RALYL: variants seen among roughly 807,000 people sequenced by gnomAD.
RALYL encodes RALY RNA binding protein like, also known as RNA-binding Raly-like protein.
Under a neutral mutation model 35.1 loss-of-function variants are expected in RALYL, and 29 were observed. The ratio of observed to expected loss-of-function variants is 0.83; its 90% CI spans 0.61 to 1.13. RALYL has a LOEUF of 1.13. RALYL is among the 50% of genes most tolerant of loss of function. RALYL has a pLI of 0.00. For synonymous variants in RALYL, 120 were observed against 127.6 expected, an observed-to-expected ratio of 0.94 and a Z score of 0.40; for missense variants, 359 against 360.4, an observed-to-expected ratio of 1.00 and a Z score of 0.03.
intron 2 of RALYL, among the ~76,000 whole-genome samples, chr8:84,584,768 G>A (rs1464605370): frequency 6.6e-6 from 1 of 152,028 alleles, no homozygotes; most frequent in Non-Finnish European, 1.5e-5. Flanking sequence ...CTTTGCTAAC[G>A]CTTGTGTTAA....
chr8:84,635,304 C>T (rs1229885249), intron 2 of RALYL, among the ~76,000 whole-genome samples: 1 of 151,618 alleles, frequency 6.6e-6, no homozygotes, highest in Non-Finnish European at 1.5e-5. Flanking sequence ...TACATCCCTT[C>T]CAATTGTTTA....
At chr8:84,865,601 A>C (rs1263810424) in intron 6 of RALYL, among the ~76,000 whole-genome samples, 1 of 152,178 alleles carries the variant, frequency 6.6e-6, no homozygotes, top group African/African-American at 2.4e-5. Flanking sequence ...TCCTGACATC[A>C]TAGAGTCATA....
chr8:84,486,613 A>G (rs1421972200), intron 1 of RALYL, among the ~76,000 whole-genome samples: 1 of 151,998 alleles, frequency 6.6e-6, no homozygotes, highest in Non-Finnish European at 1.5e-5. Context: ...CAAATAAGAG[A>G]TACACAAAAT....
intron 2 of RALYL, among the ~76,000 whole-genome samples, chr8:84,632,058 T>G (rs1009020670): frequency 2.0e-5 from 3 of 151,568 alleles, no homozygotes; most frequent in African/African-American, 7.3e-5. Context: ...TGGGAAGTGA[T>G]TAGGTTATGA....
intron 1 of RALYL, among the ~76,000 whole-genome samples, chr8:84,380,161 A>G (rs1189209213): frequency 2.0e-5 from 3 of 151,536 alleles, no homozygotes; most frequent in African/African-American, 7.3e-5. Flanking sequence ...ACTTTCCTTC[A>G]TTTGATGTGA....
intron 1 of RALYL, among the ~76,000 whole-genome samples, chr8:84,317,584 T>C (rs1843993109): frequency 6.6e-6 from 1 of 152,180 alleles, no homozygotes; most frequent in Non-Finnish European, 1.5e-5. Flanking sequence ...TCTAAAGCAA[T>C]AACCAACAGA....
At chr8:84,472,382 T>A (rs1240618621) in intron 1 of RALYL, among the ~76,000 whole-genome samples, 2 of 152,184 alleles carry the variant, frequency 1.3e-5, no homozygotes, top group African/African-American at 4.8e-5. Context: ...AGGCTGGGAC[T>A]GTTAATTCTC....
chr8:84,628,997 T>C (rs2131211580), intron 2 of RALYL, among the ~76,000 whole-genome samples: 1 of 152,166 alleles, frequency 6.6e-6, no homozygotes. Context: ...ACTATCTGGA[T>C]GCCTGATTGA....
At chr8:84,532,808 C>G (rs1019792272) in intron 2 of RALYL, among the ~76,000 whole-genome samples, 1 of 152,006 alleles carries the variant, frequency 6.6e-6, no homozygotes, top group African/African-American at 2.4e-5. Context: ...AAATTAAACA[C>G]TCTAATGTCA....
At chr8:84,546,732 G>T (rs1329952814) in intron 2 of RALYL, among the ~76,000 whole-genome samples, 1 of 151,970 alleles carries the variant, frequency 6.6e-6, no homozygotes, top group Non-Finnish European at 1.5e-5. Context: ...ACTATGCTTG[G>T]GTTATCTGAT....
intron 1 of RALYL, among the ~76,000 whole-genome samples, chr8:84,391,065 T>G (rs1250214257): frequency 6.6e-6 from 1 of 152,026 alleles, no homozygotes; most frequent in Non-Finnish European, 1.5e-5. Context: ...AGACACTGCT[T>G]TCTTTGCCTT....
At position 84,185,940 on chromosome 8, in the gene RALYL, G is replaced by T. The variant is rs546240967; in HGVS notation, c.-24+1516G>T. On this transcript the variant is annotated intron_variant, in intron 1 of 8. Coordinates refer to ENST00000521268, the MANE Select transcript of RALYL (RefSeq NM_173848.7). Reference sequence around the variant, plus strand: ...ACTCTTTGTGGTCAAAAAGTAAGGCGTGCAATGGGCCATTTAACTGTAGAA... The same window carrying T: ...ACTCTTTGTGGTCAAAAAGTAAGGCTTGCAATGGGCCATTTAACTGTAGAA... Among the ~76,000 whole-genome samples the T allele has an allele frequency of 2.6e-5, 4 of 152,274 alleles. No homozygotes were observed. The East Asian group carries it at 7.7e-4, about 29-fold the overall frequency.
chr8:84,582,928 G>T (rs543086082), intron 2 of RALYL, among the ~76,000 whole-genome samples: 1 of 151,862 alleles, frequency 6.6e-6, no homozygotes, highest in African/African-American at 2.4e-5. Flanking sequence ...GTTAGATATA[G>T]TTTGGGATGC....
chr8:84,856,378 T>C (rs1836983270), intron 5 of RALYL, among the ~76,000 whole-genome samples: 1 of 152,244 alleles, frequency 6.6e-6, no homozygotes, highest in Non-Finnish European at 1.5e-5. Flanking sequence ...CACAAAGCTG[T>C]ATACAAAATG....
At chr8:84,639,753 C>G (rs564222507) in intron 2 of RALYL, among the ~76,000 whole-genome samples, 2 of 151,980 alleles carry the variant, frequency 1.3e-5, no homozygotes, top group South Asian at 2.1e-4. Context: ...GGCCAAGGAC[C>G]TTAGAGTCAA....
At chr8:84,820,419 C>T (rs60574295) in intron 4 of RALYL, among the ~76,000 whole-genome samples, 6,382 of 152,164 alleles carry the variant, frequency 0.042, 430 homozygotes, top group African/African-American at 0.15. Context: ...AGTGATGTTT[C>T]AGAATCACAT....
intron 2 of RALYL, among the ~76,000 whole-genome samples, chr8:84,607,184 C>A (rs1817330327): frequency 1.3e-5 from 2 of 151,652 alleles, no homozygotes; most frequent in South Asian, 4.2e-4. Flanking sequence ...CCCCCCTTTT[C>A]TTCCTGCTTC....
intron 4 of RALYL, among the ~76,000 whole-genome samples, chr8:84,831,366 G>A (rs1427429078): frequency 6.6e-6 from 1 of 152,066 alleles, no homozygotes; most frequent in Non-Finnish European, 1.5e-5. Context: ...CAAGAACTCT[G>A]TGTTCAGCTA....
At chr8:84,533,801 A>G (rs2059420566) in intron 2 of RALYL, among the ~76,000 whole-genome samples, 1 of 152,220 alleles carries the variant, frequency 6.6e-6, no homozygotes, top group African/African-American at 2.4e-5. Flanking sequence ...AATATGGTGA[A>G]TATACTTAAC....
Sources: allele counts gnomAD v4.1 joint callset (sites outside exome capture counted in the v4.1 genomes callset), GRCh38; gene constraint gnomAD v4.1.1; transcripts MANE v1.5; gene names NCBI Gene and HGNC (gene_info 2026-07-23, HGNC 2026-07-21).